The following RBMS3 variants were observed in gnomAD, a reference collection of about 807,000 sequenced individuals.
RBMS3 encodes RNA-binding motif, single-stranded-interacting protein 3.
In RBMS3, 27 loss-of-function variants were observed where a neutral mutation model predicts 66.8. The ratio of observed to expected loss-of-function variants is 0.40; its 90% CI spans 0.30 to 0.56. The LOEUF (loss-of-function observed/expected upper bound fraction) is 0.56. Among genes scored for constraint, RBMS3 ranks in the 20% least tolerant of loss-of-function variants. The pLI, the probability that RBMS3 is intolerant of heterozygous loss-of-function variation, is 0.40. For missense variants in RBMS3, 513 were observed against 549.5 expected, an observed-to-expected ratio of 0.93 and a Z score of 0.66; for synonymous variants, 188 against 183.0, an observed-to-expected ratio of 1.03 and a Z score of -0.22.
chr3:29,364,899 C>T (rs911293376), intron 1 of RBMS3, among the ~76,000 whole-genome samples: 3 of 152,032 alleles, frequency 2.0e-5, no homozygotes, highest in Admixed American at 1.3e-4. Context: ...ATAATGAGTT[C>T]GTGGAGTCAC....
intron 1 of RBMS3, among the ~76,000 whole-genome samples, chr3:29,305,742 C>T (rs1259548526): frequency 3.3e-5 from 5 of 151,934 alleles, no homozygotes; most frequent in Admixed American, 1.3e-4. Context: ...ATTGTTGATC[C>T]TTGAAGTTGT....
intron 12 of RBMS3, among the ~76,000 whole-genome samples, chr3:29,969,474 C>A (rs143474301): frequency 6.6e-6 from 1 of 152,256 alleles, no homozygotes; most frequent in Admixed American, 6.5e-5. Flanking sequence ...TTGCATTTGT[C>A]TTCACATTCC....
At chr3:29,572,635 T>C (rs9875010) in intron 3 of RBMS3, among the ~76,000 whole-genome samples, 1 of 152,172 alleles carries the variant, frequency 6.6e-6, no homozygotes, top group African/African-American at 2.4e-5. Context: ...TCATGATGAG[T>C]GATCATCTTA....
intron 4 of RBMS3, among the ~76,000 whole-genome samples, chr3:29,667,769 A>G (rs1055570604): frequency 6.6e-6 from 1 of 152,188 alleles, no homozygotes; most frequent in African/African-American, 2.4e-5. Flanking sequence ...AGAAATCTCT[A>G]AGCCCATATT....
At chr3:29,834,257 TA>T (rs1489942392) in intron 6 of RBMS3, among the ~76,000 whole-genome samples, 3 of 152,182 alleles carry the variant, frequency 2.0e-5, no homozygotes, top group South Asian at 4.1e-4. Context: ...AACAAAAGTA[TA>T]AAACTCACCA....
intron 1 of RBMS3, among the ~76,000 whole-genome samples, chr3:29,421,454 A>G (rs995683565): frequency 2.0e-5 from 3 of 152,342 alleles, no homozygotes; most frequent in East Asian, 3.9e-4. Context: ...CCATGAAATT[A>G]GTATAGTTTA....
At chr3:29,493,646 A>G (rs1460566270) in intron 3 of RBMS3, among the ~76,000 whole-genome samples, 1 of 152,056 alleles carries the variant, frequency 6.6e-6, no homozygotes, top group Non-Finnish European at 1.5e-5. Flanking sequence ...CAAGAAAAAA[A>G]TACAGCTCTT....
intron 10 of RBMS3, among the ~76,000 whole-genome samples, chr3:29,907,180 C>A (rs774209040): frequency 1.4e-4 from 21 of 152,136 alleles, no homozygotes; most frequent in Non-Finnish European, 2.9e-4. Flanking sequence ...GTTGATTCTT[C>A]ATGATGCTGT....
chr3:29,807,239 T>C (rs1222850554), intron 6 of RBMS3, among the ~76,000 whole-genome samples: 1 of 151,970 alleles, frequency 6.6e-6, no homozygotes, highest in Non-Finnish European at 1.5e-5. Context: ...AAAATGTCAC[T>C]GTCTCACTAA....
At chr3:29,398,913 T>G (rs113008697) in intron 1 of RBMS3, among the ~76,000 whole-genome samples, 11 of 152,138 alleles carry the variant, frequency 7.2e-5, no homozygotes, top group African/African-American at 2.7e-4. Context: ...TTTTTATGTG[T>G]TTTTGCTTTT....
chr3:29,948,772 G>C (rs1297058206), intron 12 of RBMS3, among the ~76,000 whole-genome samples: 1 of 151,556 alleles, frequency 6.6e-6, no homozygotes, highest in Admixed American at 6.6e-5. Flanking sequence ...TTTTTTCTTT[G>C]TAATAAGTTC....
intron 4 of RBMS3, among the ~76,000 whole-genome samples, chr3:29,596,272 C>T (rs1300864622): frequency 1.3e-5 from 2 of 152,166 alleles, no homozygotes; most frequent in Non-Finnish European, 2.9e-5. Context: ...ATGAATTATG[C>T]TAAATGGTTG....
At chr3:29,494,998 A>G (rs1286867684) in intron 3 of RBMS3, among the ~76,000 whole-genome samples, 1 of 150,456 alleles carries the variant, frequency 6.6e-6, no homozygotes, top group Non-Finnish European at 1.5e-5. Flanking sequence ...AATTATATTT[A>G]TGGAGCTTAT....
intron 5 of RBMS3, among the ~76,000 whole-genome samples, chr3:29,749,530 T>C (rs2055078607): frequency 6.6e-6 from 1 of 152,192 alleles, no homozygotes; most frequent in African/African-American, 2.4e-5. Context: ...TTTAAAAGCC[T>C]CTTGAGGCTA....
chr3:29,451,977 A>G (rs7610052), intron 2 of RBMS3, among the ~76,000 whole-genome samples: 8,128 of 152,036 alleles, frequency 0.053, 691 homozygotes, highest in African/African-American at 0.18. Context: ...TCAAAGTTGC[A>G]TAGTGAGTGT....
Position 29,811,747 on chromosome 3 carries a change from C to T in RBMS3, c.637+48758C>T, listed in dbSNP as rs1038704036. 2.0e-5 allele frequency among the ~76,000 whole-genome samples: 3 copies of T among 152,128 alleles called. No homozygotes were observed. In the East Asian group the frequency reaches 5.8e-4, roughly 29 times the overall value. ...TCTCTGTGTCTGCTTCTCAAAGGTA[C>T]CCCTAAATCTTTTGTCCATTAGGAT... On this transcript the variant is annotated intron_variant, in intron 6 of 14. Coordinates refer to ENST00000383767, the MANE Select transcript of RBMS3 (RefSeq NM_001003793.3).
intron 6 of RBMS3, among the ~76,000 whole-genome samples, chr3:29,818,783 A>G (rs2057991406): frequency 6.6e-6 from 1 of 152,148 alleles, no homozygotes; most frequent in South Asian, 2.1e-4. Context: ...CTGAAAATAT[A>G]TAATGTGACT....
At chr3:29,525,677 C>T (rs2045064652) in intron 3 of RBMS3, among the ~76,000 whole-genome samples, 1 of 152,140 alleles carries the variant, frequency 6.6e-6, no homozygotes, top group Non-Finnish European at 1.5e-5. Context: ...TATTCAGATC[C>T]TTGTCTCATT....
chr3:29,325,462 A>G (rs1167671387), intron 1 of RBMS3, among the ~76,000 whole-genome samples: 1 of 151,992 alleles, frequency 6.6e-6, no homozygotes, highest in African/African-American at 2.4e-5. Flanking sequence ...TGGGAAGCCA[A>G]TGTAAGATTC....
Sources: allele counts gnomAD v4.1 joint callset (sites outside exome capture counted in the v4.1 genomes callset), GRCh38; gene constraint gnomAD v4.1.1; transcripts MANE v1.5; gene names NCBI Gene and HGNC (gene_info 2026-07-23, HGNC 2026-07-21).